STAC: variants seen among roughly 807,000 people sequenced by gnomAD.
STAC encodes the protein SH3 and cysteine-rich domain-containing protein.
Under a neutral mutation model 48.8 loss-of-function variants are expected in STAC, and 43 were observed. The observed-to-expected ratio is 0.88, with a 90% confidence interval of 0.69 to 1.14. The LOEUF (loss-of-function observed/expected upper bound fraction) is 1.14, where lower values mean the gene tolerates loss of function less well. STAC is among the 50% of genes most tolerant of loss of function. The pLI is 0.00. For synonymous variants in STAC, 193 were observed against 179.5 expected, an observed-to-expected ratio of 1.07 and a Z score of -0.60; for missense variants, 497 against 504.0, an observed-to-expected ratio of 0.99 and a Z score of 0.13.
At chr3:36,409,610 C>G (rs948943761) in intron 1 of STAC, 1 of 152,174 alleles carries the variant, frequency 6.6e-6, no homozygotes, top group Non-Finnish European at 1.5e-5. Context: ...GAGAGCAACA[C>G]AAATGATTCT....
chr3:36,492,027 AAAAAATATATATATATATATATAT>A (rs1427274548), intron 5 of STAC, among the ~76,000 whole-genome samples: 8 of 18,334 alleles, frequency 4.4e-4, no homozygotes, highest in African/African-American at 1.0e-3. Context: ...AAAAAAAAAA[AAAAAATATATATATATATATATAT>A]ATATATATAT....
chr3:36,507,716 T>C (rs1575248609), intron 8 of STAC, among the ~76,000 whole-genome samples: 1 of 152,210 alleles, frequency 6.6e-6, no homozygotes, highest in South Asian at 2.1e-4. Flanking sequence ...GAGGTGTGTA[T>C]AGTATTCTCT....
At chr3:36,469,505 A>ACAGCTCTT (rs200547304) in intron 2 of STAC, among the ~76,000 whole-genome samples, 4,791 of 152,184 alleles carry the variant, frequency 0.031, 223 homozygotes, top group African/African-American at 0.11. Context: ...TTTTTGACTC[A>ACAGCTCTT]AGGATTCTTT....
At chr3:36,533,355 C>A (rs1699117013) in intron 10 of STAC, among the ~76,000 whole-genome samples, 2 of 152,108 alleles carry the variant, frequency 1.3e-5, no homozygotes, top group African/African-American at 4.8e-5. Flanking sequence ...TCAACCTTCC[C>A]CAAGTTTACC....
intron 2 of STAC, among the ~76,000 whole-genome samples, chr3:36,446,678 A>T (rs968321868): frequency 1.3e-5 from 2 of 152,242 alleles, no homozygotes; most frequent in African/African-American, 4.8e-5. Context: ...AACTCAATGC[A>T]TGAGTCTACT....
chr3:36,505,862 G>T, intron 8 of STAC, 28 bp downstream of exon 8: 1 of 1,496,436 alleles, frequency 6.7e-7, no homozygotes, highest in Non-Finnish European at 9.2e-7. Flanking sequence ...AGAAAAAAAA[G>T]AGTAAAATTT....
At chr3:36,456,232 C>T (rs1379100997) in intron 2 of STAC, among the ~76,000 whole-genome samples, 6 of 152,144 alleles carry the variant, frequency 3.9e-5, no homozygotes, top group South Asian at 2.1e-4. Context: ...AAGAGAAGTG[C>T]CAAGAATCAC....
At chr3:36,440,720 G>A (rs1436846804) in intron 1 of STAC, among the ~76,000 whole-genome samples, 1 of 152,186 alleles carries the variant, frequency 6.6e-6, no homozygotes, top group African/African-American at 2.4e-5. Flanking sequence ...GGAAAGGGGA[G>A]AGAACTGCAG....
Position 36,546,233 on chromosome 3 carries a change from G to A in STAC, c.1153G>A (p.Val385Ile). 6.2e-7 allele frequency: 1 copy of A among 1,614,048 alleles called. No individual in the cohort carries two copies. ...AGAAGAACAAGATGGTTTTATCAGA[G>A]TCCTCAGTGGAAAAAAGAAAGGCCT... Reference protein sequence around the residue: ...SEEEQDGFIRVLSGKKKGLIP... With the variant: ...SEEEQDGFIRILSGKKKGLIP... The change falls in exon 11 of 11, where the codon GTC (valine) becomes ATC (isoleucine). Residue 385 changes from valine to isoleucine, a missense_variant. Physicochemically the swap from Val to Ile is conservative, Grantham distance 29. Transcript: ENST00000273183.
chr3:36,433,984 G>T (rs1011444197), intron 1 of STAC, among the ~76,000 whole-genome samples: 2 of 152,226 alleles, frequency 1.3e-5, no homozygotes, highest in Admixed American at 1.3e-4. Context: ...TGTACTTAAT[G>T]TAAAAGAAAT....
At chr3:36,491,148 CT>C (rs1378488405) in intron 5 of STAC, among the ~76,000 whole-genome samples, 1 of 151,944 alleles carries the variant, frequency 6.6e-6, no homozygotes, top group Non-Finnish European at 1.5e-5. Flanking sequence ...CTTCAGCATC[CT>C]GCATTTTTTA....
intron 1 of STAC, among the ~76,000 whole-genome samples, chr3:36,404,940 TG>T (rs1700062671): frequency 6.6e-6 from 1 of 152,214 alleles, no homozygotes; most frequent in Non-Finnish European, 1.5e-5. Context: ...ATTAGGTTGG[TG>T]CAAAAGTAAT....
At position 36,472,502 on chromosome 3, in the gene STAC, T is replaced by A. The variant is rs551342692; in HGVS notation, c.389-10490T>A. Among the ~76,000 whole-genome samples the A allele has an allele frequency of 4.9e-3, 751 of 152,360 alleles. 2 individuals carry two copies. Among genetic ancestry groups the A allele is most frequent in the Non-Finnish European group, 7.6e-3 (517 of 68,036 alleles). On this transcript the variant is annotated intron_variant, in intron 2 of 10. Transcript: ENST00000273183. ...TCTATAGCATAGTGCGGCTGCACATTTTCTGAACTTTGATGCTGTTTCCCT... is the reference window on the plus strand; with the variant it reads ...TCTATAGCATAGTGCGGCTGCACATATTCTGAACTTTGATGCTGTTTCCCT...
At chr3:36,421,390 T>C (rs941743756) in intron 1 of STAC, among the ~76,000 whole-genome samples, 1 of 152,186 alleles carries the variant, frequency 6.6e-6, no homozygotes, top group Non-Finnish European at 1.5e-5. Context: ...TAATCATCTA[T>C]GATTATTTAA....
At chr3:36,537,074 T>C (rs979511160) in intron 10 of STAC, among the ~76,000 whole-genome samples, 7 of 152,096 alleles carry the variant, frequency 4.6e-5, no homozygotes, top group African/African-American at 1.4e-4. Context: ...TGTGGAGAAA[T>C]AGGAATGCTT....
chr3:36,402,590 G>A (rs910164171), intron 1 of STAC, among the ~76,000 whole-genome samples: 1 of 152,022 alleles, frequency 6.6e-6, no homozygotes, highest in Non-Finnish European at 1.5e-5. Flanking sequence ...CACCCAAAAT[G>A]GATTTAAGGG....
intron 5 of STAC, among the ~76,000 whole-genome samples, chr3:36,492,919 C>A (rs934327084): frequency 1.3e-5 from 2 of 152,162 alleles, no homozygotes; most frequent in African/African-American, 4.8e-5. Context: ...ATTCAATACT[C>A]ACTGGATACC....
intron 5 of STAC, among the ~76,000 whole-genome samples, chr3:36,490,728 C>A (rs192158792): frequency 6.8e-4 from 103 of 152,318 alleles, no homozygotes; most frequent in Non-Finnish European, 1.2e-3. Context: ...AACATGTCAG[C>A]CTCCTCATTT....
At chr3:36,510,375 C>T (rs1440968323) in intron 8 of STAC, among the ~76,000 whole-genome samples, 1 of 152,134 alleles carries the variant, frequency 6.6e-6, no homozygotes, top group South Asian at 2.1e-4. Flanking sequence ...ATTAGTTCAA[C>T]CATTGTGGAA....
Sources: gnomAD v4.1 joint callset for allele counts (sites outside exome capture counted in the v4.1 genomes callset) on GRCh38, gnomAD v4.1.1 for gene constraint, MANE v1.5 for transcripts, NCBI Gene and HGNC (gene_info 2026-07-23, HGNC 2026-07-21) for gene names.